E4F1: variants seen among roughly 807,000 people sequenced by gnomAD.
E4F1 encodes E4F transcription factor 1.
E4F1 carries 30 observed loss-of-function variants against 72.9 expected under a neutral mutation model. The observed-to-expected ratio is 0.41, with a 90% CI of 0.31 to 0.56. The LOEUF is 0.56. E4F1 is among the 20% of genes least tolerant of loss of function. E4F1 has a pLI of 0.25. For missense variants in E4F1, 1,091 were observed against 1,117.5 expected (o/e 0.98, Z 0.34); for synonymous variants, 542 against 478.2 (o/e 1.13, Z -1.74).
rs2093446294 is a variant in E4F1, at chr16:2,228,536, C to T, written c.309+13C>T. The T allele has an allele frequency of 1.9e-6, 3 of 1,609,792 alleles. No homozygotes were observed. Among genetic ancestry groups the T allele is most frequent in the South Asian group, 2.2e-5 (2 of 90,930 alleles). ...GCTGGGCCAGGAGGTGAGCCCTCAC[C>T]CACTCCCCCATCCCCTCCCGGGTTC... is the stretch of plus-strand genomic sequence containing the variant. On this transcript the variant is annotated intron_variant, in intron 2 of 13. Coordinates refer to ENST00000301727, the MANE Select transcript of E4F1 (RefSeq NM_004424.5).
chr16:2,235,190 G>A (rs778349498), intron 13 of E4F1, 26 bp from the exon 14 acceptor site: 10 of 1,609,662 alleles, frequency 6.2e-6, no homozygotes, highest in South Asian at 3.3e-5. Flanking sequence ...TGGCACAGCC[G>A]CTCTTGCTGA....
At chr16:2,232,011 G>A in intron 3 of E4F1, 160 bp from the exon 4 acceptor site, 1 of 837,632 alleles carries the variant, frequency 1.2e-6, no homozygotes, top group Non-Finnish European at 1.9e-6. Context: ...AGAGGTGAAT[G>A]GGACCTTGGC....
chr16:2,229,682 C>T lies in E4F1; in HGVS notation c.415+7C>T, dbSNP rs1258331751. 25 of 1,612,472 alleles carry T rather than the reference C, an allele frequency of 1.6e-5. No individual in the cohort carries two copies. The highest frequency in any genetic ancestry group is 4.0e-5 in the African/African-American group (3 of 75,060). ...CACGCATCTGACCTTGTTGGTAAGC[C>T]GACTTCCATGAATCGCTGGCCTGAT... On this transcript the variant is annotated splice_region_variant and intron_variant, in intron 3 of 13. Transcript: ENST00000301727.
intron 1 of E4F1, 82 bp from the exon 2 acceptor site, chr16:2,228,289 TA>T: frequency 6.4e-7 from 1 of 1,571,524 alleles, no homozygotes; most frequent in Non-Finnish European, 8.7e-7. Flanking sequence ...GAATCTGTTC[TA>T]GGGCTGGAGG....
At chr16:2,234,112 C>G (rs999687224) in intron 9 of E4F1, 59 bp from the exon 10 acceptor site, 1 of 1,585,124 alleles carries the variant, frequency 6.3e-7, no homozygotes, top group African/African-American at 1.3e-5. Context: ...GGGCAGGTGG[C>G]AGGCGGCCTG....
chr16:2,224,436 G>T (rs953297246), intron 1 of E4F1, among the ~76,000 whole-genome samples: 3 of 152,220 alleles, frequency 2.0e-5, no homozygotes, highest in Non-Finnish European at 4.4e-5. Context: ...GTCCTGACAG[G>T]TGGATGTTAT....
Position 2,228,429 on chromosome 16 carries a change from A to T in E4F1, c.215A>T (p.Asp72Val). 1 of 1,613,620 alleles carries T rather than the reference A, an allele frequency of 6.2e-7. No homozygotes were observed. The highest frequency in any genetic ancestry group is 8.5e-7 in the Non-Finnish European group (1 of 1,180,008). The part of the protein sequence containing the change: ...RCQAEFTALE[D>V]FVQHKIQKAC... ...CAGGCAGAGTTCACCGCCTTGGAGG[A>T]TTTTGTTCAGCACAAGATTCAGAAG... The change falls in exon 2 of 14, where the codon GAT (aspartate) becomes GTT (valine). Residue 72 changes from aspartate to valine, a missense_variant. By Grantham distance (152) the Asp-to-Val change is radical. This residue lies in a region of E4F1 where 362 missense variants were observed against 358.6 expected (regional missense o/e 1.01). Coordinates refer to ENST00000301727, the MANE Select transcript of E4F1 (RefSeq NM_004424.5).
At chr16:2,227,694 T>G (rs911984049) in intron 1 of E4F1, among the ~76,000 whole-genome samples, 5 of 152,086 alleles carry the variant, frequency 3.3e-5, no homozygotes, top group Non-Finnish European at 7.4e-5. Context: ...AGAGATGGGA[T>G]TTCACCATAT....
chr16:2,224,544 C>T (rs946880412), intron 1 of E4F1, among the ~76,000 whole-genome samples: 6 of 152,202 alleles, frequency 3.9e-5, no homozygotes, highest in African/African-American at 1.4e-4. Context: ...AATCCCAGCA[C>T]TTTGGGAGGT....
In E4F1 at chr16:2,234,685, G is replaced by C. The variant is rs759971546; in HGVS notation, c.1696G>C (p.Val566Leu). The C allele has an allele frequency of 6.3e-7, 1 of 1,579,618 alleles. No homozygotes were observed. ...AGAGAAGGGCTCACTGGTGCGGCACGTGCGACACCACACAGGCGAGAAGCC... is the reference window on the plus strand; with the variant it reads ...AGAGAAGGGCTCACTGGTGCGGCACCTGCGACACCACACAGGCGAGAAGCC... ...FREKGSLVRH[V>L]RHHTGEKPFK... Residue 566 changes from valine (V) to leucine (L), a missense_variant, in exon 11 of 14, where the codon GTG (valine) becomes CTG (leucine). Around this residue, in one of 5 missense-constraint regions of E4F1, gnomAD observed 622 missense variants for 628.0 expected, o/e 0.99. Transcript: ENST00000301727.
chr16:2,229,544 C>A (rs374937976), intron 2 of E4F1, 26 bp from the exon 3 acceptor site: 1 of 1,603,148 alleles, frequency 6.2e-7, no homozygotes, highest in Non-Finnish European at 8.5e-7. Context: ...ACAGACGACT[C>A]CCCTGTTTTC....
rs1329385358 is a variant in E4F1 at position 2,231,869 on chromosome 16, C to T, written c.416-302C>T. 1.0e-5 allele frequency: 4 copies of T among 385,920 alleles called. No individual in the cohort carries two copies. In the East Asian group the frequency reaches 1.5e-4, roughly 14 times the overall value. The allele number at this position is 385,920 out of a possible 1,614,324, so 23.9% of individuals were successfully genotyped here. On this transcript the variant is annotated intron_variant, in intron 3 of 13. Coordinates refer to ENST00000301727, the MANE Select transcript of E4F1 (RefSeq NM_004424.5). Reference sequence around the variant, plus strand: ...ACCTTGTCACCAGGATTCGCACGTCCTCCTGGCTTTGGGGATGGGGCATCT... The same window carrying T: ...ACCTTGTCACCAGGATTCGCACGTCTTCCTGGCTTTGGGGATGGGGCATCT...
chr16:2,232,029 C>G (rs1411434779), intron 3 of E4F1, 142 bp from the exon 4 acceptor site: 1 of 1,031,156 alleles, frequency 9.7e-7, no homozygotes, highest in South Asian at 1.5e-5. Flanking sequence ...GGCTGTTGCT[C>G]GGACCTGTGT....
At chr16:2,227,699 C>T (rs904870737) in intron 1 of E4F1, among the ~76,000 whole-genome samples, 1 of 152,110 alleles carries the variant, frequency 6.6e-6, no homozygotes, top group African/African-American at 2.4e-5. Flanking sequence ...TGGGATTTCA[C>T]CATATTGGTC....
intron 1 of E4F1, 172 bp from the exon 2 acceptor site, chr16:2,228,200 T>G (rs1019097044): frequency 3.6e-5 from 31 of 851,838 alleles, no homozygotes; most frequent in Non-Finnish European, 5.3e-5. Context: ...GGGCTGTACC[T>G]TGGGATGACC....
chr16:2,233,693 A>G, intron 8 of E4F1, 46 bp downstream of exon 8: 1 of 1,514,254 alleles, frequency 6.6e-7, no homozygotes, highest in African/African-American at 1.4e-5. Flanking sequence ...GCTGGATCCC[A>G]GGGGCTGTCC....
At chr16:2,229,440 A>T (rs1045251104) in intron 2 of E4F1, 130 bp from the exon 3 acceptor site, 5 of 901,296 alleles carry the variant, frequency 5.5e-6, no homozygotes, top group Non-Finnish European at 8.6e-6. Flanking sequence ...CGTCCCAAGG[A>T]CGTGGACCCA....
rs924911704 is a variant in E4F1, at chr16:2,229,248, C to T, written c.310-322C>T. 2.6e-5 allele frequency among the ~76,000 whole-genome samples: 4 copies of T among 152,384 alleles called. No individual in the cohort carries two copies. The South Asian group carries it at 8.3e-4, about 32-fold the overall frequency. On this transcript the variant is annotated intron_variant, in intron 2 of 13. Transcript: ENST00000301727. ...GGCGGGCTGGGACTGTGCCATTGTT[C>T]CTGCAGACTGGCCCAGCTTCCTGCC...
At position 2,235,414 on chromosome 16, in the gene E4F1, G is replaced by A. The variant is rs778544963; in HGVS notation, c.2197G>A (p.Glu733Lys). Residue 733 changes from glutamate to lysine, a missense_variant, in exon 14 of 14, where the codon GAG becomes AAG. Physicochemically the swap from Glu to Lys is moderately conservative, Grantham distance 56. Transcript: ENST00000301727. ...CATGACGCTGGCCTCGGCCATCAGC[G>A]AGGGCACTGTGCTTGCCGCCCGGGC... is the stretch of plus-strand genomic sequence containing the variant. Reference protein sequence around the residue: ...VAMTLASAISEGTVLAARAGT... With the variant: ...VAMTLASAISKGTVLAARAGT... 3.8e-5 allele frequency: 61 copies of A among 1,612,092 alleles called. No individual in the cohort carries two copies. The South Asian group carries it at 4.3e-4, about 11-fold the overall frequency.
Sources: allele counts gnomAD v4.1 joint callset (sites outside exome capture counted in the v4.1 genomes callset), GRCh38; gene constraint gnomAD v4.1.1; regional missense constraint gnomAD v4.1.1; transcripts MANE v1.5; gene names NCBI Gene and HGNC (gene_info 2026-07-23, HGNC 2026-07-21).